The following WWOX variants were observed in gnomAD, a reference collection of about 807,000 sequenced individuals.
WWOX encodes the protein WW domain containing oxidoreductase, also known as WW domain-containing oxidoreductase.
WWOX carries 69 observed loss-of-function variants against 46.2 expected under a neutral mutation model. That is an observed-to-expected ratio of 1.49 (90% CI 1.23 to 1.82). WWOX has a LOEUF of 1.82. Ranked by LOEUF, WWOX falls within the 40% of genes most tolerant of loss-of-function variation. WWOX has a pLI of 0.00. For synonymous variants in WWOX, 359 were observed against 202.6 expected (o/e 1.77, Z -6.56); for missense variants, 919 against 542.6 (o/e 1.69, Z -6.89).
rs1245086550 is a variant in WWOX, at chr16:78,565,528, C to G, written c.1056+132776C>G. ...CCTCATCTGGCCCTCTGGCCACTCT[C>G]TTATAAGGACCCTTTTGATTTCATT... On this transcript the variant is annotated intron_variant, in intron 8 of 8. Transcript: ENST00000566780. Among the ~76,000 whole-genome samples, 5 of 152,212 alleles carry G rather than the reference C, an allele frequency of 3.3e-5. No individual in the cohort carries two copies. The South Asian group carries it at 1.0e-3, about 32-fold the overall frequency.
At chr16:78,103,978 C>A (rs1356127300) in intron 1 of WWOX, among the ~76,000 whole-genome samples, 1 of 152,008 alleles carries the variant, frequency 6.6e-6, no homozygotes, top group Admixed American at 6.5e-5. Context: ...CGAGGTAGAC[C>A]GGGAACCCAA....
chr16:78,517,577 G>C (rs1006237556), intron 8 of WWOX, among the ~76,000 whole-genome samples: 4 of 152,100 alleles, frequency 2.6e-5, no homozygotes, highest in Non-Finnish European at 4.4e-5. Context: ...CTGTCATATT[G>C]TGGTCCGGAG....
chr16:78,677,292 C>G (rs987094609), intron 8 of WWOX, among the ~76,000 whole-genome samples: 1 of 152,146 alleles, frequency 6.6e-6, no homozygotes, highest in African/African-American at 2.4e-5. Context: ...TTTGGTTTCT[C>G]TGTCTACTCA....
intron 8 of WWOX, among the ~76,000 whole-genome samples, chr16:78,826,919 A>G (rs1420771790): frequency 6.6e-6 from 1 of 152,114 alleles, no homozygotes; most frequent in Non-Finnish European, 1.5e-5. Flanking sequence ...ATCACACACT[A>G]CATGCCGGAC....
chr16:78,541,696 C>G (rs1306099671), intron 8 of WWOX, among the ~76,000 whole-genome samples: 1 of 151,818 alleles, frequency 6.6e-6, no homozygotes, highest in African/African-American at 2.4e-5. Context: ...GTGATTTAGC[C>G]TTTGTTCCCC....
At chr16:78,791,233 A>G (rs1165813421) in intron 8 of WWOX, among the ~76,000 whole-genome samples, 1 of 151,880 alleles carries the variant, frequency 6.6e-6, no homozygotes, top group African/African-American at 2.4e-5. Flanking sequence ...TCATGAACTC[A>G]TGGGAAGCAA....
intron 8 of WWOX, among the ~76,000 whole-genome samples, chr16:78,955,819 T>C (rs1364882468): frequency 3.3e-5 from 5 of 151,676 alleles, no homozygotes. Context: ...GGCTAATTTA[T>C]TTTTTGTAAA....
intron 8 of WWOX, among the ~76,000 whole-genome samples, chr16:78,539,117 C>A (rs914934105): frequency 1.3e-5 from 2 of 152,180 alleles, no homozygotes; most frequent in East Asian, 1.9e-4. Flanking sequence ...CTTGTGCCTG[C>A]CTGTCTGTAG....
chr16:78,549,161 A>T (rs1266164732), intron 8 of WWOX, among the ~76,000 whole-genome samples: 1 of 152,160 alleles, frequency 6.6e-6, no homozygotes, highest in African/African-American at 2.4e-5. Flanking sequence ...ATTGGGAGAG[A>T]TTGCCGGTCG....
intron 8 of WWOX, chr16:78,825,847 C>G: frequency 1.6e-6 from 1 of 627,634 alleles, no homozygotes; most frequent in Non-Finnish European, 2.9e-6. Flanking sequence ...TCATGCTGCC[C>G]TGGGACCCCG....
intron 8 of WWOX, among the ~76,000 whole-genome samples, chr16:78,460,122 C>G (rs1335418232): frequency 6.6e-6 from 1 of 151,212 alleles, no homozygotes; most frequent in Admixed American, 6.6e-5. Flanking sequence ...TATGCCTTCC[C>G]CTCCCCTTCC....
chr16:78,877,644 G>A (rs528393951), intron 8 of WWOX, among the ~76,000 whole-genome samples: 8 of 152,160 alleles, frequency 5.3e-5, no homozygotes, highest in Non-Finnish European at 1.2e-4. Flanking sequence ...ACATACATGA[G>A]TTTTGTGTTT....
intron 8 of WWOX, among the ~76,000 whole-genome samples, chr16:79,070,344 A>G (rs2048526552): frequency 6.6e-6 from 1 of 151,274 alleles, no homozygotes; most frequent in South Asian, 2.1e-4. Flanking sequence ...CTAAGCTGAG[A>G]TTACTGTTGA....
chr16:78,751,596 C>T (rs146925599), intron 8 of WWOX, among the ~76,000 whole-genome samples: 252 of 151,262 alleles, frequency 1.7e-3, no homozygotes, highest in Middle Eastern at 6.9e-3. Flanking sequence ...AACATTCTTC[C>T]ATCAGTCATG....
intron 5 of WWOX, among the ~76,000 whole-genome samples, chr16:78,363,300 G>T (rs1251051408): frequency 6.6e-6 from 1 of 151,514 alleles, no homozygotes; most frequent in Non-Finnish European, 1.5e-5. Flanking sequence ...TTTTGACGGG[G>T]TCTTAATATG....
chr16:78,391,496 C>CTTGTT (rs2151937585), intron 6 of WWOX, among the ~76,000 whole-genome samples: 1 of 152,314 alleles, frequency 6.6e-6, no homozygotes, highest in Non-Finnish European at 1.5e-5. Context: ...TTACTTTGCA[C>CTTGTT]ACTTCAGTCA....
intron 8 of WWOX, among the ~76,000 whole-genome samples, chr16:79,168,014 G>A (rs550359047): frequency 6.6e-6 from 1 of 152,252 alleles, no homozygotes; most frequent in East Asian, 1.9e-4. Context: ...CGTTCACTTA[G>A]CATGCTGTTT....
At chr16:78,749,428 AAG>A (rs1405866664) in intron 8 of WWOX, among the ~76,000 whole-genome samples, 2 of 152,202 alleles carry the variant, frequency 1.3e-5, no homozygotes, top group African/African-American at 4.8e-5. Context: ...AAAAGAGAGA[AAG>A]AGAGAGACCC....
chr16:78,637,263 C>T (rs1430938869), intron 8 of WWOX, among the ~76,000 whole-genome samples: 1 of 151,968 alleles, frequency 6.6e-6, no homozygotes, highest in Admixed American at 6.6e-5. Context: ...CAACCAACGA[C>T]CCTTCCCATA....
Sources: gnomAD v4.1 joint callset for allele counts (sites outside exome capture counted in the v4.1 genomes callset) on GRCh38, gnomAD v4.1.1 for gene constraint, MANE v1.5 for transcripts, NCBI Gene and HGNC (gene_info 2026-07-23, HGNC 2026-07-21) for gene names.